The following SERPINB7 variants were observed in gnomAD, a reference collection of about 807,000 sequenced individuals.
SERPINB7 encodes the protein serpin B7.
SERPINB7 carries 31 observed loss-of-function variants against 37.4 expected under a neutral mutation model. The ratio of observed to expected loss-of-function variants is 0.83; its 90% confidence interval spans 0.62 to 1.12. The LOEUF (loss-of-function observed/expected upper bound fraction) is 1.12, where lower values mean the gene tolerates loss of function less well. Ranked by LOEUF, SERPINB7 falls within the 50% of genes most tolerant of loss-of-function variation. The pLI is 0.00. For missense variants in SERPINB7, 521 were observed against 455.3 expected, an observed-to-expected ratio of 1.14 and a Z score of -1.31; for synonymous variants, 163 against 166.1, an observed-to-expected ratio of 0.98 and a Z score of 0.14.
intron 1 of SERPINB7, among the ~76,000 whole-genome samples, chr18:63,779,176 T>C (rs1431828658): frequency 6.6e-6 from 1 of 152,032 alleles, no homozygotes; most frequent in East Asian, 1.9e-4. Context: ...TTGGTGGCTG[T>C]TGGTGGCTTG....
chr18:63,777,703 A>T (rs949923111), intron 1 of SERPINB7: 2 of 152,304 alleles, frequency 1.3e-5, no homozygotes, highest in Non-Finnish European at 2.9e-5. Flanking sequence ...TAAAACTATC[A>T]TGGCCATCAT....
intron 1 of SERPINB7, among the ~76,000 whole-genome samples, chr18:63,758,710 C>T (rs939687876): frequency 3.9e-5 from 6 of 152,158 alleles, no homozygotes; most frequent in South Asian, 2.1e-4. Flanking sequence ...GAAATCCTCA[C>T]GACAATCTTG....
intron 2 of SERPINB7, among the ~76,000 whole-genome samples, chr18:63,785,978 G>A (rs866201517): frequency 1.7e-4 from 21 of 124,772 alleles, no homozygotes; most frequent in South Asian, 5.2e-4. Flanking sequence ...TATAATATAC[G>A]TATATATACA....
At chr18:63,779,732 C>T (rs941715750) in intron 1 of SERPINB7, among the ~76,000 whole-genome samples, 2 of 151,862 alleles carry the variant, frequency 1.3e-5, no homozygotes, top group African/African-American at 4.8e-5. Context: ...TGTAGCTTCT[C>T]TTTTGTTCAA....
chr18:63,775,179 G>A (rs947737888), upstream of SERPINB7, among the ~76,000 whole-genome samples: 2 of 152,122 alleles, frequency 1.3e-5, no homozygotes, highest in African/African-American at 4.8e-5. Context: ...GACAGATACT[G>A]TTGATTCTGA....
upstream of SERPINB7, among the ~76,000 whole-genome samples, chr18:63,773,254 T>C (rs894586460): frequency 2.0e-5 from 3 of 152,236 alleles, no homozygotes; most frequent in Non-Finnish European, 2.9e-5. Context: ...AGAGTTTATA[T>C]AAAAATTTCA....
intron 1 of SERPINB7, among the ~76,000 whole-genome samples, chr18:63,760,945 G>A (rs1037410003): frequency 1.3e-5 from 2 of 152,256 alleles, no homozygotes; most frequent in African/African-American, 4.8e-5. Flanking sequence ...GAAATGTGGG[G>A]TTGAAGCCCC....
intron 1 of SERPINB7, among the ~76,000 whole-genome samples, chr18:63,781,599 C>G (rs370489690): frequency 6.6e-6 from 1 of 152,164 alleles, no homozygotes; most frequent in Non-Finnish European, 1.5e-5. Context: ...AAGTGGATCC[C>G]TGAAGAATTC....
chr18:63,756,996 G>C (rs2049126226), intron 1 of SERPINB7, among the ~76,000 whole-genome samples: 1 of 152,100 alleles, frequency 6.6e-6, no homozygotes, highest in African/African-American at 2.4e-5. Context: ...TCCATGTTAA[G>C]AGTTAGTAGT....
chr18:63,756,518 C>T (rs1371094636), intron 1 of SERPINB7, among the ~76,000 whole-genome samples: 1 of 152,148 alleles, frequency 6.6e-6, no homozygotes, highest in Non-Finnish European at 1.5e-5. Context: ...AAACCAGTCT[C>T]TTATTAAAGG....
At position 63,782,516 on chromosome 18, in the gene SERPINB7, T is replaced by A; in HGVS notation, c.144T>A (p.Asp48Glu). The change falls in exon 2 of 8, where the codon GAT (aspartate) becomes GAA (glutamate). Residue 48 changes from aspartate to glutamate, a missense_variant. Asp to Glu is a conservative substitution (Grantham distance 45, BLOSUM62 2). Coordinates refer to ENST00000398019, the MANE Select transcript of SERPINB7 (RefSeq NM_003784.4). ...ALALVRLGAQDDSLSQIDKLL... is the reference protein window; with the variant it reads ...ALALVRLGAQEDSLSQIDKLL... ...CCCTGGTCCGCTTGGGCGCTCAAGATGACTCCCTCTCTCAGATTGATAAGG... is the reference window on the plus strand; with the variant it reads ...CCCTGGTCCGCTTGGGCGCTCAAGAAGACTCCCTCTCTCAGATTGATAAGG... The A allele has an allele frequency of 1.2e-6, 2 of 1,613,322 alleles. No homozygotes were observed. The highest frequency in any genetic ancestry group is 1.7e-6 in the Non-Finnish European group (2 of 1,179,622).
upstream of SERPINB7, among the ~76,000 whole-genome samples, chr18:63,772,498 A>C (rs2049217066): frequency 6.6e-6 from 1 of 152,238 alleles, no homozygotes; most frequent in South Asian, 2.1e-4. Context: ...ATAAATTTAA[A>C]GGTTTAGAAT....
intron 7 of SERPINB7, 102 bp from the exon 8 acceptor site, chr18:63,804,135 T>A: frequency 1.2e-6 from 1 of 840,364 alleles, no homozygotes; most frequent in Non-Finnish European, 1.8e-6. Flanking sequence ...AACACAAATA[T>A]CCAGGAAGCG....
At chr18:63,770,876 C>CAG (rs1445998324), upstream of SERPINB7, among the ~76,000 whole-genome samples, 5 of 139,278 alleles carry the variant, frequency 3.6e-5, no homozygotes, top group African/African-American at 9.9e-5. Context: ...TGCACATGCA[C>CAG]ACACACACAC....
At chr18:63,771,286 G>A (rs2049209707), upstream of SERPINB7, among the ~76,000 whole-genome samples, 2 of 152,056 alleles carry the variant, frequency 1.3e-5, no homozygotes, top group Admixed American at 1.3e-4. Flanking sequence ...AATCCTTAGG[G>A]AGGTCTCTTC....
intron 1 of SERPINB7, among the ~76,000 whole-genome samples, chr18:63,758,709 A>C (rs2049135522): frequency 6.6e-6 from 1 of 152,144 alleles, no homozygotes; most frequent in Non-Finnish European, 1.5e-5. Context: ...GGAAATCCTC[A>C]CGACAATCTT....
rs1480000422 is a variant in SERPINB7 at position 63,794,281 on chromosome 18, A to C, written c.336+1004A>C. Among the ~76,000 whole-genome samples the C allele has an allele frequency of 2.6e-5, 4 of 151,530 alleles. No individual in the cohort carries two copies. The South Asian group carries it at 6.3e-4, about 24-fold the overall frequency. ...CTGGCCTGAGTTTCTTGGAAGTGGT[A>C]GAGAATAGCAACATCTATATAACTA... On this transcript the variant is annotated intron_variant, in intron 4 of 7. Transcript: ENST00000398019.
chr18:63,787,148 T>A (rs1437430811), intron 2 of SERPINB7, among the ~76,000 whole-genome samples: 1 of 152,200 alleles, frequency 6.6e-6, no homozygotes, highest in Non-Finnish European at 1.5e-5. Context: ...ACACATCACA[T>A]GAGGTCACAT....
intron 1 of SERPINB7, among the ~76,000 whole-genome samples, chr18:63,758,917 C>G (rs12967770): frequency 6.6e-6 from 1 of 152,144 alleles, no homozygotes; most frequent in Non-Finnish European, 1.5e-5. Context: ...TCATATTAAG[C>G]CTTAAATGTT....
Sources: allele counts gnomAD v4.1 joint callset (sites outside exome capture counted in the v4.1 genomes callset), GRCh38; gene constraint gnomAD v4.1.1; transcripts MANE v1.5; gene names NCBI Gene and HGNC (gene_info 2026-07-23, HGNC 2026-07-21).